The following HERC1 variants were observed in gnomAD, a reference collection of about 807,000 sequenced individuals.
HERC1 encodes probable E3 ubiquitin-protein ligase HERC1.
A neutral mutation model predicts 554.3 loss-of-function variants in HERC1; 160 were observed. The observed-to-expected ratio is 0.29, with a 90% confidence interval of 0.25 to 0.33. HERC1 has a LOEUF of 0.33. Among genes scored for constraint, HERC1 ranks in the 10% least tolerant of loss-of-function variants. HERC1 has a pLI of 1.00. For synonymous variants in HERC1, 2,175 were observed against 2,131.7 expected (o/e 1.02, Z -0.56); for missense variants, 4,919 against 5,918.5 (o/e 0.83, Z 5.54).
rs556742104 is a variant in HERC1, at chr15:63,668,464, C to T, written c.8206+1074G>A. 3.9e-5 allele frequency among the ~76,000 whole-genome samples: 6 copies of T among 152,258 alleles called. No individual in the cohort carries two copies. In the East Asian group the frequency reaches 1.2e-3, roughly 29 times the overall value. ...CCCAAGGTCACTCCAGCCCGGGTGA[C>T]AGAGCAAGAGGCTGTCTCTAAAAAC... On this transcript the variant is annotated intron_variant, in intron 40 of 77. Transcript: ENST00000443617.
intron 1 of HERC1, among the ~76,000 whole-genome samples, chr15:63,806,998 G>A (rs185827168): frequency 1.4e-3 from 212 of 152,046 alleles, no homozygotes; most frequent in African/African-American, 4.5e-3. Context: ...CACCCACCTC[G>A]GCCTCCCAAA....
chr15:63,741,742 A>G (rs1401222939), intron 12 of HERC1, among the ~76,000 whole-genome samples: 1 of 152,218 alleles, frequency 6.6e-6, no homozygotes, highest in East Asian at 1.9e-4. Context: ...ATGAGACACT[A>G]TTCTCTCATG....
At chr15:63,644,921 A>C in intron 57 of HERC1, 71 bp downstream of exon 57, 1 of 1,178,574 alleles carries the variant, frequency 8.5e-7, no homozygotes, top group Non-Finnish European at 1.3e-6. Flanking sequence ...TTTAGTAACC[A>C]AGGGAGAATG....
rs1209291166 is a variant in HERC1 at position 63,713,499 on chromosome 15, A to G, written c.4317T>C (p.Thr1439=). The G allele has an allele frequency of 1.2e-6, 2 of 1,614,024 alleles. No homozygotes were observed. Among genetic ancestry groups the G allele is most frequent in the South Asian group, 2.2e-5 (2 of 91,084 alleles). ...GATGGATCACGGAGTTGCATGCAGC[A>G]GTGTACACATCCTGACCCTCAGGAA... ...TDLPEGQDVY[T]AACNSVIHRC... Residue 1439 remains threonine (T), a synonymous_variant, in exon 23 of 78, where the codon ACT becomes ACC. Transcript: ENST00000443617.
intron 3 of HERC1, among the ~76,000 whole-genome samples, chr15:63,761,999 A>T (rs1055625057): frequency 4.6e-5 from 7 of 152,224 alleles, no homozygotes; most frequent in Non-Finnish European, 7.3e-5. Flanking sequence ...AAATAAGACC[A>T]ACTCAGTAGC....
intron 52 of HERC1, 74 bp from the exon 53 acceptor site, chr15:63,651,454 T>C: frequency 1.4e-6 from 2 of 1,452,432 alleles, no homozygotes; most frequent in East Asian, 2.3e-5. Flanking sequence ...AACCTTAAAA[T>C]AAGGGTTTCA....
intron 37 of HERC1, among the ~76,000 whole-genome samples, chr15:63,676,644 T>C (rs1433044248): frequency 6.6e-6 from 1 of 152,132 alleles, no homozygotes; most frequent in African/African-American, 2.4e-5. Context: ...TAATCCCAGC[T>C]ACTCGGAAGA....
intron 57 of HERC1, 142 bp from the exon 58 acceptor site, chr15:63,643,692 G>T (rs948677500): frequency 1.9e-6 from 1 of 534,906 alleles, no homozygotes; most frequent in Non-Finnish European, 3.3e-6. Context: ...AGGATAGTAA[G>T]CTTGACTGAA....
chr15:63,684,573 T>C (rs1009602377), intron 34 of HERC1, among the ~76,000 whole-genome samples: 8 of 152,156 alleles, frequency 5.3e-5, no homozygotes, highest in Non-Finnish European at 1.2e-4. Flanking sequence ...AAAGTTGTAA[T>C]TACTAAATGG....
chr15:63,624,346 T>A lies in HERC1; in HGVS notation c.13276-19A>T. The A allele has an allele frequency of 6.4e-7, 1 of 1,565,742 alleles. No homozygotes were observed. On this transcript the variant is annotated intron_variant, in intron 71 of 77. Coordinates refer to ENST00000443617, the MANE Select transcript of HERC1 (RefSeq NM_003922.4). ...TGCTGTTCTGTAACAGAAGGTACGG[T>A]TATCAGAAATGGTACAATCTAGGCT...
rs1343182247 is a variant in HERC1, at chr15:63,612,093, CAGG to C, written c.14400+155_14400+157del. 1.3e-5 allele frequency among the ~76,000 whole-genome samples: 2 copies of C among 152,194 alleles called. No homozygotes were observed. The highest frequency in any genetic ancestry group is 2.9e-5 in the Non-Finnish European group (2 of 68,034). On this transcript the variant is annotated intron_variant, in intron 77 of 77. Transcript: ENST00000443617. The surrounding 1 kb of genome is among the most constrained non-coding windows in gnomAD (Gnocchi z 5.0). ...GTCCCAGCTACTGCGGAGGCTGAGG[CAGG>C]AGAACTGCTTGAAGCTAGGAAGCGG...
intron 42 of HERC1, 39 bp from the exon 43 acceptor site, chr15:63,664,633 A>T (rs770752438): frequency 6.3e-6 from 10 of 1,591,968 alleles, no homozygotes; most frequent in Non-Finnish European, 7.7e-6. Context: ...AAGTTTTTGA[A>T]ACCATTATGG....
At chr15:63,714,588 C>T (rs550074254) in intron 22 of HERC1, among the ~76,000 whole-genome samples, 63 of 123,204 alleles carry the variant, frequency 5.1e-4, no homozygotes, top group Admixed American at 2.3e-3. Flanking sequence ...CTCACTCTGT[C>T]GCCCGGGCTG....
Position 63,734,434 on chromosome 15 carries a change from T to A in HERC1, c.2646+290A>T, listed in dbSNP as rs2074418159. On this transcript the variant is annotated intron_variant, in intron 13 of 77. Coordinates refer to ENST00000443617, the MANE Select transcript of HERC1 (RefSeq NM_003922.4). This position sits in a 1 kb window ranked among gnomAD's most constrained non-coding sequence, Gnocchi z 4.6. ...TGGAACCAACAGTAGCACATACACT[T>A]GATTTCAACTCAGCATACTACAAAT... 6.6e-6 allele frequency among the ~76,000 whole-genome samples: 1 copy of A among 152,196 alleles called. No homozygotes were observed. The highest frequency in any genetic ancestry group is 1.5e-5 in the Non-Finnish European group (1 of 68,032).
At chr15:63,720,828 T>C (rs1344554924) in intron 19 of HERC1, among the ~76,000 whole-genome samples, 1 of 152,226 alleles carries the variant, frequency 6.6e-6, no homozygotes, top group Admixed American at 6.5e-5. Flanking sequence ...GTAACACTCT[T>C]TGTTGTGTTT....
At chr15:63,649,141 T>C (rs558983623) in intron 54 of HERC1, among the ~76,000 whole-genome samples, 3 of 152,196 alleles carry the variant, frequency 2.0e-5, no homozygotes, top group Non-Finnish European at 4.4e-5. Context: ...GATCACAAGG[T>C]GAGGAGATCG....
chr15:63,787,744 C>A (rs1024695108), intron 1 of HERC1, among the ~76,000 whole-genome samples: 3 of 151,806 alleles, frequency 2.0e-5, no homozygotes, highest in Admixed American at 1.3e-4. Context: ...CAGCAAGACT[C>A]CATCTCTTTT....
At chr15:63,650,736 G>A (rs1279278736) in intron 53 of HERC1, among the ~76,000 whole-genome samples, 1 of 152,150 alleles carries the variant, frequency 6.6e-6, no homozygotes, top group Admixed American at 6.6e-5. Flanking sequence ...TTGCAGTTAA[G>A]GCTAGCTATT....
At chr15:63,655,605 T>C in intron 50 of HERC1, 137 bp downstream of exon 50, 1 of 612,728 alleles carries the variant, frequency 1.6e-6, no homozygotes, top group Non-Finnish European at 2.8e-6. Context: ...AGTGAAAAAG[T>C]ATCTATGCAC....
Sources: allele counts gnomAD v4.1 joint callset (sites outside exome capture counted in the v4.1 genomes callset), GRCh38; gene constraint gnomAD v4.1.1; non-coding constraint Gnocchi (gnomAD v3.1); transcripts MANE v1.5; gene names NCBI Gene and HGNC (gene_info 2026-07-23, HGNC 2026-07-21).